HDAC9: variants seen among roughly 807,000 people sequenced by gnomAD.
HDAC9 encodes the protein MEF-2 interacting transcription repressor (MITR) protein.
Under a neutral mutation model 139.4 loss-of-function variants are expected in HDAC9, and 41 were observed. The observed-to-expected ratio is 0.29, with a 90% CI of 0.23 to 0.38. The LOEUF (loss-of-function observed/expected upper bound fraction) is 0.38, where lower values mean the gene tolerates loss of function less well. Among genes scored for constraint, HDAC9 ranks in the 10% least tolerant of loss-of-function variants. HDAC9 has a pLI of 1.00. For synonymous variants in HDAC9, 517 were observed against 476.2 expected, an observed-to-expected ratio of 1.09 and a Z score of -1.12; for missense variants, 1,147 against 1,297.0, an observed-to-expected ratio of 0.88 and a Z score of 1.78.
At chr7:18,909,129 AT>A (rs1802526892) in intron 22 of HDAC9, among the ~76,000 whole-genome samples, 1 of 151,956 alleles carries the variant, frequency 6.6e-6, no homozygotes, top group African/African-American at 2.4e-5. Context: ...TTTGACTTGC[AT>A]TTTCCTGATG....
upstream of HDAC9, chr7:18,086,900 C>CCGCG (rs964334099): frequency 2.1e-5 from 3 of 144,626 alleles, no homozygotes; most frequent in Admixed American, 6.8e-5. Flanking sequence ...CGAGCCCCCC[C>CCGCG]CGCGCGGCGG....
rs11410404 is a variant in HDAC9 at position 18,952,817 on chromosome 7, G to GTT, written c.2938-1315_2938-1314dup. On this transcript the variant is annotated intron_variant, in intron 23 of 25. Transcript: ENST00000686413. ...ACTGCCACAGAGCGGTGGTGGTGAT[G>GTT]TTTTTTTTTTTTTTTCCTCTCACCA... Among the ~76,000 whole-genome samples, 715 of 141,810 alleles carry GTT rather than the reference G, an allele frequency of 5.0e-3. 6 individuals are homozygous for GTT. The highest frequency in any genetic ancestry group is 0.014 in the African/African-American group (542 of 38,808). 93.0% of individuals were successfully genotyped at this position (141,810 alleles called of 152,430 possible).
intron 1 of HDAC9, among the ~76,000 whole-genome samples, chr7:18,363,508 GTTATTA>G (rs1315351322): frequency 1.3e-5 from 2 of 152,142 alleles, no homozygotes; most frequent in Non-Finnish European, 2.9e-5. Context: ...AGAAAATGTT[GTTATTA>G]TTATTTGCAT....
At chr7:18,604,283 G>A (rs979726574) in intron 6 of HDAC9, among the ~76,000 whole-genome samples, 1 of 151,942 alleles carries the variant, frequency 6.6e-6, no homozygotes, top group African/African-American at 2.4e-5. Flanking sequence ...AGAGTATTGG[G>A]GAATTCTGTT....
intron 7 of HDAC9, among the ~76,000 whole-genome samples, chr7:18,631,975 G>A (rs1028943051): frequency 3.3e-5 from 5 of 151,676 alleles, no homozygotes; most frequent in Non-Finnish European, 7.4e-5. Context: ...AAATACTTCA[G>A]TCTTAATATC....
chr7:18,484,802 A>G (rs1586220918), intron 1 of HDAC9, among the ~76,000 whole-genome samples: 1 of 151,872 alleles, frequency 6.6e-6, no homozygotes, highest in Non-Finnish European at 1.5e-5. Flanking sequence ...TTAGTAAACT[A>G]TGATTATGCT....
intron 1 of HDAC9, among the ~76,000 whole-genome samples, chr7:18,395,788 C>A (rs974128726): frequency 1.3e-5 from 2 of 152,008 alleles, no homozygotes; most frequent in Non-Finnish European, 2.9e-5. Context: ...TCAGAGAAAG[C>A]CTAAAGCCTT....
intron 1 of HDAC9, among the ~76,000 whole-genome samples, chr7:18,459,984 C>A (rs1355015115): frequency 6.7e-6 from 1 of 149,682 alleles, no homozygotes; most frequent in Admixed American, 6.6e-5. Flanking sequence ...CTGCTCATCA[C>A]CCATGGCTCA....
chr7:18,622,221 G>A (rs963582910), intron 6 of HDAC9, among the ~76,000 whole-genome samples: 3 of 152,166 alleles, frequency 2.0e-5, no homozygotes, highest in Admixed American at 6.5e-5. Context: ...ATCTGAAGCT[G>A]GTGGTGAAGA....
At chr7:18,644,420 T>C (rs767725097) in intron 8 of HDAC9, among the ~76,000 whole-genome samples, 2 of 152,172 alleles carry the variant, frequency 1.3e-5, no homozygotes, top group Non-Finnish European at 2.9e-5. Context: ...CCATATTTTG[T>C]ATAGCCAGAA....
chr7:18,966,223 G>A (rs1364815795), intron 24 of HDAC9, among the ~76,000 whole-genome samples: 2 of 152,152 alleles, frequency 1.3e-5, no homozygotes, highest in African/African-American at 4.8e-5. Context: ...TGGTCCTTTT[G>A]TGATATAACT....
intron 1 of HDAC9, among the ~76,000 whole-genome samples, chr7:18,297,480 G>A (rs199912078): frequency 6.6e-6 from 1 of 152,024 alleles, no homozygotes; most frequent in African/African-American, 2.4e-5. Context: ...TGCTCTCCTT[G>A]CCAATCCATC....
intron 1 of HDAC9, among the ~76,000 whole-genome samples, chr7:18,434,526 A>C (rs1790992480): frequency 6.6e-6 from 1 of 152,204 alleles, no homozygotes. Context: ...AGAATCTATA[A>C]GGAATTTAAT....
At chr7:18,422,742 GCGCACACACACACACACA>G (rs1440539690) in intron 1 of HDAC9, among the ~76,000 whole-genome samples, 2 of 136,124 alleles carry the variant, frequency 1.5e-5, no homozygotes, top group Non-Finnish European at 3.1e-5. Context: ...ACACACACAC[GCGCACACACACACACACA>G]CACACACACA....
chr7:18,923,003 A>G (rs556279103), intron 22 of HDAC9, among the ~76,000 whole-genome samples: 21 of 152,204 alleles, frequency 1.4e-4, no homozygotes, highest in Non-Finnish European at 2.9e-4. Flanking sequence ...GATGAGTTAC[A>G]CAACTCTTTT....
intron 2 of HDAC9, among the ~76,000 whole-genome samples, chr7:18,500,607 C>G (rs1253510969): frequency 6.6e-6 from 1 of 152,104 alleles, no homozygotes; most frequent in Admixed American, 6.6e-5. Context: ...GTATCCTCAC[C>G]ATTTTGGGTT....
rs1048500075 is a variant in HDAC9, at chr7:19,000,948, A to T, written c.*4886A>T. 6.6e-6 allele frequency: 1 copy of T among 152,162 alleles called. No individual in the cohort carries two copies. The highest frequency in any genetic ancestry group is 1.9e-4 in the East Asian group (1 of 5,202). 9.4% of individuals were successfully genotyped at this position (152,162 alleles called of 1,614,324 possible). A position where few individuals can be genotyped will look rare whatever the true frequency, so the allele number is the denominator to read the frequency against. ...CATGCCATTTTATATAAACATTTTG[A>T]TAGATACTCTGTCTTTTGTTTTTTA... On this transcript the variant is annotated 3_prime_UTR_variant, in exon 26 of 26. Coordinates refer to ENST00000686413, the MANE Select transcript of HDAC9 (RefSeq NM_178425.4).
Position 18,585,542 on chromosome 7 carries a change from C to T in HDAC9, c.264+20C>T, listed in dbSNP as rs1045733048. Reference sequence around the variant, plus strand: ...ATCAAGGTAGCAAATGCTTCTTTGTCTGTGACCTTACTCAGGAGTCTGCAC... The same window carrying T: ...ATCAAGGTAGCAAATGCTTCTTTGTTTGTGACCTTACTCAGGAGTCTGCAC... On this transcript the variant is annotated intron_variant, in intron 3 of 25. Coordinates refer to ENST00000686413, the MANE Select transcript of HDAC9 (RefSeq NM_178425.4). 6.2e-7 allele frequency: 1 copy of T among 1,610,932 alleles called. No individual in the cohort carries two copies. The highest frequency in any genetic ancestry group is 8.5e-7 in the Non-Finnish European group (1 of 1,179,462).
chr7:18,903,422 C>G (rs1045907942), intron 22 of HDAC9, among the ~76,000 whole-genome samples: 16 of 152,148 alleles, frequency 1.1e-4, no homozygotes, highest in African/African-American at 3.6e-4. Context: ...CCATTTTCAT[C>G]TTTTTTGACT....
Sources: allele counts gnomAD v4.1 joint callset (sites outside exome capture counted in the v4.1 genomes callset), GRCh38; gene constraint gnomAD v4.1.1; transcripts MANE v1.5; gene names NCBI Gene and HGNC (gene_info 2026-07-23, HGNC 2026-07-21).